PICALM: variants seen among roughly 807,000 people sequenced by gnomAD.
PICALM encodes phosphatidylinositol binding clathrin assembly protein, also known as phosphatidylinositol-binding clathrin assembly protein.
Under a neutral mutation model 80.5 loss-of-function variants are expected in PICALM, and 40 were observed. That is an observed-to-expected ratio of 0.50 (90% CI 0.39 to 0.65). The LOEUF (loss-of-function observed/expected upper bound fraction) is 0.65. Among genes scored for constraint, PICALM ranks in the 30% least tolerant of loss-of-function variants. The probability of loss-of-function intolerance (pLI) is 0.00; values close to 1 mark genes in which losing one functional copy is unlikely to be tolerated. For missense variants in PICALM, 676 were observed against 778.9 expected (o/e 0.87, Z 1.57); for synonymous variants, 288 against 260.3 (o/e 1.11, Z -1.02).
intron 3 of PICALM, among the ~76,000 whole-genome samples, chr11:86,024,683 GCTT>G (rs1387868507): frequency 6.6e-6 from 1 of 152,112 alleles, no homozygotes; most frequent in Non-Finnish European, 1.5e-5. Flanking sequence ...GCTCTGAACA[GCTT>G]CTTGAGGGCT....
intron 1 of PICALM, among the ~76,000 whole-genome samples, chr11:86,032,717 T>C (rs1194862354): frequency 6.6e-6 from 1 of 152,112 alleles, no homozygotes; most frequent in Non-Finnish European, 1.5e-5. Flanking sequence ...ATATAAAATG[T>C]AATGTATAAA....
chr11:86,004,637 T>G (rs2095239049), intron 8 of PICALM, among the ~76,000 whole-genome samples: 1 of 152,092 alleles, frequency 6.6e-6, no homozygotes, highest in South Asian at 2.1e-4. Context: ...CCGCTCTAAG[T>G]GAAGCAAATG....
intron 1 of PICALM, among the ~76,000 whole-genome samples, chr11:86,068,041 C>A (rs2096470779): frequency 6.6e-6 from 1 of 152,138 alleles, no homozygotes; most frequent in Non-Finnish European, 1.5e-5. Flanking sequence ...AGAAACTACA[C>A]TGAAGCTACT....
intron 19 of PICALM, among the ~76,000 whole-genome samples, chr11:85,969,042 A>G (rs2094009563): frequency 6.6e-6 from 1 of 152,058 alleles, no homozygotes; most frequent in African/African-American, 2.4e-5. Flanking sequence ...TCAAAGCTAC[A>G]GCGCAGTCTA....
At chr11:85,986,196 C>A (rs1477575034) in intron 13 of PICALM, among the ~76,000 whole-genome samples, 1 of 151,950 alleles carries the variant, frequency 6.6e-6, no homozygotes, top group Non-Finnish European at 1.5e-5. Context: ...CTTAAAGTCA[C>A]ACAGTTATCA....
intron 19 of PICALM, among the ~76,000 whole-genome samples, chr11:85,974,176 T>C (rs1289117588): frequency 6.6e-6 from 1 of 152,226 alleles, no homozygotes; most frequent in Non-Finnish European, 1.5e-5. Context: ...GATTAAACCA[T>C]CTAAGTTTAG....
At chr11:86,046,869 C>T (rs192202700) in intron 1 of PICALM, among the ~76,000 whole-genome samples, 17 of 152,290 alleles carry the variant, frequency 1.1e-4, no homozygotes, top group Non-Finnish European at 2.1e-4. Context: ...AACTCCTGGC[C>T]TTAAGTGATC....
At chr11:85,982,194 G>A (rs2094458978) in intron 14 of PICALM, 191 bp from the exon 15 acceptor site, 1 of 541,598 alleles carries the variant, frequency 1.8e-6, no homozygotes. Flanking sequence ...TGAGAAGGCT[G>A]TATTTGCTTT....
At chr11:86,015,363 A>G (rs906098148) in intron 4 of PICALM, among the ~76,000 whole-genome samples, 3 of 152,222 alleles carry the variant, frequency 2.0e-5, no homozygotes, top group African/African-American at 7.2e-5. Context: ...GTCAAAAAAC[A>G]GTTAAACACT....
chr11:85,984,747 A>G (rs778403088), intron 13 of PICALM, among the ~76,000 whole-genome samples: 1 of 152,184 alleles, frequency 6.6e-6, no homozygotes, highest in Non-Finnish European at 1.5e-5. Flanking sequence ...GTGGTATTAC[A>G]CAGACAATAA....
chr11:86,015,480 C>A (rs1043471087), intron 4 of PICALM, among the ~76,000 whole-genome samples: 11 of 152,272 alleles, frequency 7.2e-5, no homozygotes, highest in Admixed American at 4.6e-4. Context: ...ACTAAAACTA[C>A]TTTATTACAA....
chr11:86,022,744 ATTC>A (rs2095587300), intron 3 of PICALM, among the ~76,000 whole-genome samples: 1 of 151,306 alleles, frequency 6.6e-6, no homozygotes, highest in Admixed American at 6.6e-5. Context: ...CAATATTCCT[ATTC>A]TTTATTCATC....
chr11:86,004,470 C>T (rs1275165030), intron 8 of PICALM, among the ~76,000 whole-genome samples: 1 of 150,880 alleles, frequency 6.6e-6, no homozygotes, highest in East Asian at 1.9e-4. Flanking sequence ...GTGTTGGTTA[C>T]ATAAATGTTT....
chr11:86,037,329 G>A (rs981722487), intron 1 of PICALM, among the ~76,000 whole-genome samples: 5 of 138,282 alleles, frequency 3.6e-5, no homozygotes, highest in African/African-American at 1.1e-4. Flanking sequence ...GTGTGATCTC[G>A]GCTCACTGCC....
intron 9 of PICALM, among the ~76,000 whole-genome samples, chr11:86,002,237 A>G (rs1254179724): frequency 6.6e-6 from 1 of 152,184 alleles, no homozygotes; most frequent in Admixed American, 6.5e-5. Flanking sequence ...TCAAAGTACA[A>G]ATCTAGGATT....
chr11:86,064,347 T>C (rs1282016889), intron 1 of PICALM, among the ~76,000 whole-genome samples: 1 of 152,100 alleles, frequency 6.6e-6, no homozygotes, highest in Non-Finnish European at 1.5e-5. Flanking sequence ...GTAAATTAAC[T>C]GGGGAAAATA....
intron 19 of PICALM, among the ~76,000 whole-genome samples, chr11:85,964,997 A>G (rs762641141): frequency 6.6e-6 from 1 of 152,220 alleles, no homozygotes; most frequent in Non-Finnish European, 1.5e-5. Flanking sequence ...GTAGAAATAT[A>G]TGAATGTATT....
At chr11:86,059,064 T>C (rs375095607) in intron 1 of PICALM, among the ~76,000 whole-genome samples, 1 of 152,150 alleles carries the variant, frequency 6.6e-6, no homozygotes, top group Non-Finnish European at 1.5e-5. Flanking sequence ...CATGAAACAG[T>C]AATTTGTTAT....
In PICALM at chr11:86,007,594, A is replaced by G. The variant is rs781652165; in HGVS notation, c.766-11T>C. The G allele has an allele frequency of 2.1e-6, 3 of 1,400,538 alleles. No homozygotes were observed. The highest frequency in any genetic ancestry group is 2.0e-6 in the Non-Finnish European group (2 of 1,009,604). 86.8% of individuals were successfully genotyped at this position (1,400,538 alleles called of 1,614,324 possible). A position where few individuals can be genotyped will look rare whatever the true frequency, so the allele number is the denominator to read the frequency against. ...GTCAATTCCAACTTGCTGTAAGAAA[A>G]GCATTGTATTTAATAAATTATAATA... On this transcript the variant is annotated splice_polypyrimidine_tract_variant and intron_variant, in intron 7 of 19. Coordinates refer to ENST00000393346, the MANE Select transcript of PICALM (RefSeq NM_007166.4).
Sources: gnomAD v4.1 joint callset for allele counts (sites outside exome capture counted in the v4.1 genomes callset) on GRCh38, gnomAD v4.1.1 for gene constraint, MANE v1.5 for transcripts, NCBI Gene and HGNC (gene_info 2026-07-23, HGNC 2026-07-21) for gene names.